ABCB1: variants seen among roughly 807,000 people sequenced by gnomAD.
The protein encoded by ABCB1 is ATP-dependent translocase ABCB1.
Under a neutral mutation model 142.0 loss-of-function variants are expected in ABCB1, and 69 were observed. That is an observed-to-expected ratio of 0.49 (90% CI 0.40 to 0.59). ABCB1 has a LOEUF of 0.59. Among genes scored for constraint, ABCB1 ranks in the 20% least tolerant of loss-of-function variants. The pLI, the probability that ABCB1 is intolerant of heterozygous loss-of-function variation, is 0.00. For missense variants in ABCB1, 1,326 were observed against 1,554.7 expected (o/e 0.85, Z 2.47); for synonymous variants, 532 against 539.2 (o/e 0.99, Z 0.18).
chr7:87,557,766 C>T (rs1379473042), intron 8 of ABCB1, among the ~76,000 whole-genome samples: 3 of 152,220 alleles, frequency 2.0e-5, no homozygotes, highest in Admixed American at 1.3e-4. Flanking sequence ...TTGGGCTTCA[C>T]TCCCACAATG....
At chr7:87,660,450 G>A (rs1023972186) in intron 1 of ABCB1, among the ~76,000 whole-genome samples, 1 of 151,944 alleles carries the variant, frequency 6.6e-6, no homozygotes, top group Non-Finnish European at 1.5e-5. Context: ...TCAGCTGAAT[G>A]GTTTTTAAAA....
At chr7:87,613,024 T>C (rs1563074793) in intron 1 of ABCB1, among the ~76,000 whole-genome samples, 1 of 150,372 alleles carries the variant, frequency 6.7e-6, no homozygotes, top group Non-Finnish European at 1.5e-5. Flanking sequence ...TTTTTTTTTT[T>C]TTTAATCTAT....
rs555230860 is a variant in ABCB1 at position 87,531,653 on chromosome 7, A to G, written c.2482-156T>C. Reference sequence around the variant, plus strand: ...CTACTTGTAAGTTTATTGAGTTTCTACAGTAAGAATTTCCATGACTTCAGA... The same window carrying G: ...CTACTTGTAAGTTTATTGAGTTTCTGCAGTAAGAATTTCCATGACTTCAGA... On this transcript the variant is annotated intron_variant, in intron 20 of 27. Transcript: ENST00000622132. The G allele has an allele frequency of 4.1e-5, 28 of 678,570 alleles. No homozygotes were observed. In the South Asian group the frequency reaches 4.9e-4, roughly 12 times the overall value. The allele number at this position is 678,570 out of a possible 1,614,324, so 42.0% of individuals were successfully genotyped here. A position where few individuals can be genotyped will look rare whatever the true frequency, so the allele number is the denominator to read the frequency against.
At chr7:87,588,600 G>C (rs1818860099) in intron 3 of ABCB1, among the ~76,000 whole-genome samples, 1 of 152,190 alleles carries the variant, frequency 6.6e-6, no homozygotes, top group Non-Finnish European at 1.5e-5. Context: ...CATTTAGGTT[G>C]ATTCCATGTC....
chr7:87,515,084 G>A (rs1815168126), intron 25 of ABCB1, 147 bp downstream of exon 25: 10 of 1,053,252 alleles, frequency 9.5e-6, no homozygotes, highest in African/African-American at 4.7e-5. Context: ...ACACCACTTG[G>A]AGACCATATT....
chr7:87,618,550 C>G (rs1034786852), intron 1 of ABCB1, among the ~76,000 whole-genome samples: 2 of 152,162 alleles, frequency 1.3e-5, no homozygotes, highest in South Asian at 2.1e-4. Context: ...TTAACAGACA[C>G]TTAATATACA....
chr7:87,605,799 T>C (rs1468690887), upstream of ABCB1, among the ~76,000 whole-genome samples: 1 of 151,958 alleles, frequency 6.6e-6, no homozygotes, highest in Non-Finnish European at 1.5e-5. Flanking sequence ...AAGAAGAAAA[T>C]AAGGTAAGAT....
At chr7:87,626,246 A>AT (rs757936155) in intron 1 of ABCB1, among the ~76,000 whole-genome samples, 5,179 of 12,528 alleles carry the variant, frequency 0.41, 1,890 homozygotes, top group Middle Eastern at 0.62. Flanking sequence ...TGTCATATAT[A>AT]TGTCATATAT....
chr7:87,526,491 G>C (rs1411381959), intron 21 of ABCB1, among the ~76,000 whole-genome samples: 1 of 151,266 alleles, frequency 6.6e-6, no homozygotes, highest in African/African-American at 2.4e-5. Context: ...GACCAGCCCA[G>C]GCAACACAGT....
chr7:87,511,015 G>A (rs1254383596), intron 25 of ABCB1, among the ~76,000 whole-genome samples: 1 of 152,124 alleles, frequency 6.6e-6, no homozygotes, highest in Non-Finnish European at 1.5e-5. Flanking sequence ...ACCCCTGGGA[G>A]GAAAACAGAC....
chr7:87,628,985 G>A, intron 1 of ABCB1: 3 of 1,303,284 alleles, frequency 2.3e-6, no homozygotes, highest in Non-Finnish European at 2.9e-6. Context: ...CCTCCCGCCG[G>A]GGCTGAGAGC....
chr7:87,647,510 TAA>T (rs1467082675), intron 1 of ABCB1, among the ~76,000 whole-genome samples: 1 of 152,220 alleles, frequency 6.6e-6, no homozygotes, highest in Non-Finnish European at 1.5e-5. Flanking sequence ...TTGGAAAATA[TAA>T]GTTTCATAAA....
chr7:87,515,955 A>T (rs1815227068), intron 24 of ABCB1, among the ~76,000 whole-genome samples: 1 of 152,216 alleles, frequency 6.6e-6, no homozygotes, highest in Non-Finnish European at 1.5e-5. Flanking sequence ...CATAGCATGT[A>T]TTGTTAAGAC....
chr7:87,628,937 C>T, intron 1 of ABCB1: 1 of 1,310,052 alleles, frequency 7.6e-7, no homozygotes, highest in South Asian at 3.2e-5. Flanking sequence ...ACCTGATCAC[C>T]GTGTGCAGGT....
At chr7:87,644,488 G>A (rs1584984857) in intron 1 of ABCB1, among the ~76,000 whole-genome samples, 1 of 152,098 alleles carries the variant, frequency 6.6e-6, no homozygotes, top group Admixed American at 6.6e-5. Flanking sequence ...GGATACTTAC[G>A]TTCTATTAAA....
intron 5 of ABCB1, among the ~76,000 whole-genome samples, chr7:87,567,665 G>C (rs1205121582): frequency 1.3e-5 from 2 of 152,112 alleles, no homozygotes; most frequent in East Asian, 3.8e-4. Context: ...ATCCTAAAAT[G>C]CTTAACGAAT....
intron 16 of ABCB1, 67 bp from the exon 17 acceptor site, chr7:87,544,342 A>G: frequency 6.7e-7 from 1 of 1,491,714 alleles, no homozygotes; most frequent in Admixed American, 1.7e-5. Context: ...TTACATACGC[A>G]CAAAAATTAG....
chr7:87,541,623 C>A (rs1052129809), intron 17 of ABCB1, among the ~76,000 whole-genome samples, 159 bp from the exon 18 acceptor site: 1 of 152,138 alleles, frequency 6.6e-6, no homozygotes, highest in Non-Finnish European at 1.5e-5. Context: ...AAGGTGTCTG[C>A]ATTCTCCCTT....
At chr7:87,643,406 C>A (rs113932020) in intron 1 of ABCB1, among the ~76,000 whole-genome samples, 140 of 152,132 alleles carry the variant, frequency 9.2e-4, no homozygotes, top group South Asian at 1.9e-3. Flanking sequence ...AGTCTGTAGA[C>A]CCCTGCTTAA....
Sources: gnomAD v4.1 joint callset for allele counts (sites outside exome capture counted in the v4.1 genomes callset) on GRCh38, gnomAD v4.1.1 for gene constraint, MANE v1.5 for transcripts, NCBI Gene and HGNC (gene_info 2026-07-23, HGNC 2026-07-21) for gene names.